Variants in SLC24A3 observed in about 807,000 individuals in gnomAD.
The protein encoded by SLC24A3 is solute carrier family 24 member 3.
SLC24A3 carries 28 observed loss-of-function variants against 75.8 expected under a neutral mutation model. The ratio of observed to expected loss-of-function variants is 0.37; its 90% CI spans 0.27 to 0.51. The LOEUF (loss-of-function observed/expected upper bound fraction) is 0.51. SLC24A3 is among the 20% of genes least tolerant of loss of function. SLC24A3 has a pLI of 0.94. For synonymous variants in SLC24A3, 372 were observed against 334.1 expected (o/e 1.11, Z -1.24); for missense variants, 663 against 847.8 (o/e 0.78, Z 2.71).
intron 3 of SLC24A3, among the ~76,000 whole-genome samples, chr20:19,551,584 T>A (rs2051088306): frequency 6.6e-6 from 1 of 151,940 alleles, no homozygotes; most frequent in African/African-American, 2.4e-5. Flanking sequence ...ATGCCATGAG[T>A]CGCTTGTTTT....
At chr20:19,305,961 A>G (rs1984316509) in intron 2 of SLC24A3, among the ~76,000 whole-genome samples, 1 of 152,216 alleles carries the variant, frequency 6.6e-6, no homozygotes, top group African/African-American at 2.4e-5. Flanking sequence ...AATGGGAGAA[A>G]ATATTTGCAA....
intron 2 of SLC24A3, among the ~76,000 whole-genome samples, chr20:19,506,184 A>G (rs77616857): frequency 0.018 from 2,758 of 152,294 alleles, 72 homozygotes; most frequent in African/African-American, 0.063. Flanking sequence ...CTCTTGTAAA[A>G]TGCTGGTTGC....
Position 19,224,047 on chromosome 20 carries a change from C to T in SLC24A3, c.142+11063C>T, listed in dbSNP as rs1454868915. ...AATATTTTTGGACTATGGTCGACTG[C>T]AGGTAACTGAAACAGCAGAAAGTGA... On this transcript the variant is annotated intron_variant, in intron 1 of 16. Coordinates refer to ENST00000328041, the MANE Select transcript of SLC24A3 (RefSeq NM_020689.4). 2.0e-5 allele frequency among the ~76,000 whole-genome samples: 3 copies of T among 152,070 alleles called. No individual in the cohort carries two copies. The East Asian group carries it at 5.8e-4, about 29-fold the overall frequency.
At chr20:19,388,689 C>T (rs1285642330) in intron 2 of SLC24A3, among the ~76,000 whole-genome samples, 3 of 152,166 alleles carry the variant, frequency 2.0e-5, no homozygotes, top group Admixed American at 2.0e-4. Flanking sequence ...ATAAATATAG[C>T]TATCCTCTCT....
chr20:19,440,538 A>AAG (rs1491519927), intron 2 of SLC24A3, among the ~76,000 whole-genome samples: 3 of 152,096 alleles, frequency 2.0e-5, no homozygotes, highest in Non-Finnish European at 4.4e-5. Context: ...ACCATGAGGT[A>AAG]AGAGAGAGAG....
chr20:19,355,819 C>T (rs972656732), intron 2 of SLC24A3, among the ~76,000 whole-genome samples: 3 of 152,190 alleles, frequency 2.0e-5, no homozygotes, highest in African/African-American at 7.2e-5. Flanking sequence ...ATGCCTGCTA[C>T]ATTGTAATGG....
intron 2 of SLC24A3, among the ~76,000 whole-genome samples, chr20:19,304,230 T>C (rs960718973): frequency 1.3e-4 from 20 of 152,232 alleles, no homozygotes; most frequent in Admixed American, 1.3e-3. Context: ...TAATTTCTGC[T>C]ACAATAAAAA....
intron 1 of SLC24A3, among the ~76,000 whole-genome samples, chr20:19,273,446 T>A (rs1369408707): frequency 1.3e-5 from 2 of 152,174 alleles, no homozygotes; most frequent in African/African-American, 2.4e-5. Flanking sequence ...TCAGGACTTC[T>A]GCTTTCTCTG....
chr20:19,675,476 A>T (rs1249813081), intron 9 of SLC24A3, among the ~76,000 whole-genome samples: 3 of 152,238 alleles, frequency 2.0e-5, no homozygotes, highest in African/African-American at 7.2e-5. Flanking sequence ...CACAGGAGCA[A>T]TGAAGGTAGA....
intron 1 of SLC24A3, among the ~76,000 whole-genome samples, chr20:19,218,233 A>T (rs1981617159): frequency 6.6e-6 from 1 of 152,206 alleles, no homozygotes; most frequent in East Asian, 1.9e-4. Flanking sequence ...GTCATGATTT[A>T]TTAGGTTGGC....
chr20:19,577,280 C>T (rs2031152220), intron 3 of SLC24A3, among the ~76,000 whole-genome samples: 2 of 152,190 alleles, frequency 1.3e-5, no homozygotes, highest in Admixed American at 6.5e-5. Context: ...TGGTCTCAAT[C>T]TCATGACCTT....
chr20:19,644,951 A>G (rs1477358764), intron 6 of SLC24A3, among the ~76,000 whole-genome samples: 6 of 152,220 alleles, frequency 3.9e-5, no homozygotes, highest in Admixed American at 3.3e-4. Context: ...CTTATTATAC[A>G]TGAAGCAACA....
At chr20:19,499,876 A>T (rs1988359691) in intron 2 of SLC24A3, among the ~76,000 whole-genome samples, 1 of 152,144 alleles carries the variant, frequency 6.6e-6, no homozygotes, top group East Asian at 1.9e-4. Flanking sequence ...ATGTTTAGGG[A>T]TGTAGCCTGA....
Position 19,212,951 on chromosome 20 carries a change from C to T in SLC24A3, c.109C>T (p.Leu37Phe). ...LCFLASVALL[L>F]WSLSSLREQK... ...CTTCCTGGCCTCGGTGGCGCTGCTGCTCTGGTCGCTGTCGAGCCTGCGAGA... is the reference window on the plus strand; with the variant it reads ...CTTCCTGGCCTCGGTGGCGCTGCTGTTCTGGTCGCTGTCGAGCCTGCGAGA... The change falls in exon 1 of 17, where the codon CTC becomes TTC. Residue 37 changes from leucine to phenylalanine, a missense_variant. Physicochemically the swap from Leu to Phe is conservative, Grantham distance 22. Transcript: ENST00000328041. 2 of 1,328,460 alleles carry T rather than the reference C, an allele frequency of 1.5e-6. No individual in the cohort carries two copies. The highest frequency in any genetic ancestry group is 1.9e-6 in the Non-Finnish European group (2 of 1,036,984). 82.3% of individuals were successfully genotyped at this position (1,328,460 alleles called of 1,614,324 possible). A position where few individuals can be genotyped will look rare whatever the true frequency, so the allele number is the denominator to read the frequency against.
At chr20:19,654,415 C>T (rs557411723) in intron 7 of SLC24A3, among the ~76,000 whole-genome samples, 3 of 152,064 alleles carry the variant, frequency 2.0e-5, no homozygotes, top group South Asian at 2.1e-4. Flanking sequence ...GCTCTTCTGT[C>T]GCTTCATTGG....
chr20:19,434,460 A>G (rs1344972348), intron 2 of SLC24A3, among the ~76,000 whole-genome samples: 1 of 152,234 alleles, frequency 6.6e-6, no homozygotes, highest in Admixed American at 6.5e-5. Context: ...CTGCAGGAAG[A>G]ACATTTCAAT....
At chr20:19,411,171 C>T (rs576008240) in intron 2 of SLC24A3, among the ~76,000 whole-genome samples, 1 of 152,272 alleles carries the variant, frequency 6.6e-6, no homozygotes, top group Admixed American at 6.5e-5. Flanking sequence ...ATGGTGTGAT[C>T]TGTGACACCC....
intron 2 of SLC24A3, among the ~76,000 whole-genome samples, chr20:19,342,591 C>G (rs1985294231): frequency 1.3e-5 from 2 of 152,216 alleles, no homozygotes; most frequent in South Asian, 4.1e-4. Flanking sequence ...AAAAAGCAAG[C>G]TGCAACATGG....
chr20:19,688,808 T>C (rs760337617), intron 12 of SLC24A3, among the ~76,000 whole-genome samples: 2 of 152,206 alleles, frequency 1.3e-5, no homozygotes, highest in Admixed American at 6.5e-5. Context: ...AGTTCATATA[T>C]GTACATATAT....
Sources: allele counts gnomAD v4.1 joint callset (sites outside exome capture counted in the v4.1 genomes callset), GRCh38; gene constraint gnomAD v4.1.1; transcripts MANE v1.5; gene names NCBI Gene and HGNC (gene_info 2026-07-23, HGNC 2026-07-21).